The following F11R variants were observed in gnomAD, a reference collection of about 807,000 sequenced individuals.
F11R encodes junctional adhesion molecule A.
Under a neutral mutation model 39.3 loss-of-function variants are expected in F11R, and 27 were observed. The observed-to-expected ratio is 0.69, with a 90% CI of 0.51 to 0.95. F11R has a LOEUF of 0.95. Among genes scored for constraint, F11R ranks in the 40% least tolerant of loss-of-function variants. The pLI is 0.00. For synonymous variants in F11R, 131 were observed against 144.9 expected (o/e 0.90, Z 0.69); for missense variants, 335 against 372.7 (o/e 0.90, Z 0.83).
intron 3 of F11R, 31 bp from the exon 4 acceptor site, chr1:161,000,808 G>C (rs1360433098): frequency 6.2e-7 from 1 of 1,613,528 alleles, no homozygotes; most frequent in Non-Finnish European, 8.5e-7. Flanking sequence ...AGCAAGGACA[G>C]AGTGAACTGG....
rs370781802 is a variant in F11R, at chr1:161,010,896, C to T, written c.65-9543G>A. Among the ~76,000 whole-genome samples the T allele has an allele frequency of 2.1e-3, 298 of 144,476 alleles. 1 individual carries two copies. The highest frequency in any genetic ancestry group is 4.2e-3 in the South Asian group (19 of 4,532). 94.8% of individuals were successfully genotyped at this position (144,476 alleles called of 152,430 possible). A position where few individuals can be genotyped will look rare whatever the true frequency, so the allele number is the denominator to read the frequency against. On this transcript the variant is annotated intron_variant, in intron 1 of 9. Coordinates refer to ENST00000368026, the MANE Select transcript of F11R (RefSeq NM_016946.6). ...GCTACTTGGTAGGCTGAGGCTTGAA[C>T]CTGGGAGGTGGAGGTTGCAGTGAGC...
intron 1 of F11R, among the ~76,000 whole-genome samples, chr1:161,016,614 G>A (rs1649479342): frequency 6.6e-6 from 1 of 152,062 alleles, no homozygotes; most frequent in Non-Finnish European, 1.5e-5. Flanking sequence ...CCAAGATCAT[G>A]CTACTGCATT....
intron 1 of F11R, among the ~76,000 whole-genome samples, chr1:161,009,114 C>T (rs1228218744): frequency 6.6e-6 from 1 of 152,146 alleles, no homozygotes; most frequent in East Asian, 1.9e-4. Context: ...GCTATTTCTG[C>T]TATGTAGAAC....
At chr1:161,003,159 TG>T (rs1387495472) in intron 1 of F11R, among the ~76,000 whole-genome samples, 1 of 150,374 alleles carries the variant, frequency 6.7e-6, no homozygotes, top group African/African-American at 2.5e-5. Context: ...GTTTCGCTCT[TG>T]TTGCCCAGGC....
intron 1 of F11R, among the ~76,000 whole-genome samples, chr1:161,016,527 C>T (rs184379429): frequency 9.9e-4 from 149 of 150,566 alleles, no homozygotes; most frequent in Non-Finnish European, 1.6e-3. Context: ...CGTGGTGGCG[C>T]GTGCCTGTAG....
At chr1:161,014,993 G>T (rs1488243338) in intron 1 of F11R, among the ~76,000 whole-genome samples, 1 of 151,004 alleles carries the variant, frequency 6.6e-6, no homozygotes, top group East Asian at 1.9e-4. Flanking sequence ...CAGGAGAATG[G>T]CGTGAACCCG....
At position 160,998,074 on chromosome 1, in the gene F11R, G is replaced by T. The variant is rs1474570195; in HGVS notation, c.*797C>A. On this transcript the variant is annotated 3_prime_UTR_variant, in exon 10 of 10. Coordinates refer to ENST00000368026, the MANE Select transcript of F11R (RefSeq NM_016946.6). ...TGGCTAACTTTGTATTTTTAGTAGG[G>T]TTTCTCCATGTTGGTCAGGCTGATC... The T allele has an allele frequency of 6.6e-6, 1 of 152,304 alleles. No homozygotes were observed. Among genetic ancestry groups the T allele is most frequent in the Non-Finnish European group, 1.5e-5 (1 of 68,140 alleles). 9.4% of individuals were successfully genotyped at this position (152,304 alleles called of 1,614,324 possible). A position where few individuals can be genotyped will look rare whatever the true frequency, so the allele number is the denominator to read the frequency against.
chr1:161,019,509 C>G (rs1649632084), intron 1 of F11R, among the ~76,000 whole-genome samples: 1 of 150,566 alleles, frequency 6.6e-6, no homozygotes, highest in African/African-American at 2.4e-5. Flanking sequence ...GCAGGAGAAT[C>G]GCTTAAACCC....
intron 1 of F11R, among the ~76,000 whole-genome samples, chr1:161,019,527 G>T (rs1019773838): frequency 6.6e-6 from 1 of 151,620 alleles, no homozygotes; most frequent in South Asian, 2.1e-4. Context: ...CCCGGAAGGC[G>T]GAGGTTGCGG....
chr1:161,002,910 G>T (rs1338621592), intron 1 of F11R, among the ~76,000 whole-genome samples: 4 of 120,102 alleles, frequency 3.3e-5, no homozygotes, highest in Non-Finnish European at 6.8e-5. Flanking sequence ...TAAAGATATA[G>T]GTTACTCCTA....
chr1:161,009,045 A>G (rs1424153211), intron 1 of F11R, among the ~76,000 whole-genome samples: 1 of 152,148 alleles, frequency 6.6e-6, no homozygotes, highest in Non-Finnish European at 1.5e-5. Context: ...TAGCAATACA[A>G]AACTACTTAA....
chr1:161,019,352 T>C (rs574866484), intron 1 of F11R, among the ~76,000 whole-genome samples: 16 of 151,734 alleles, frequency 1.1e-4, no homozygotes, highest in Non-Finnish European at 2.1e-4. Flanking sequence ...TCCCAGCACG[T>C]TGGGAGGCCG....
chr1:161,010,441 C>CAAAAAAAAAAAAAAAAA (rs1248451719), intron 1 of F11R, among the ~76,000 whole-genome samples: 1 of 80,284 alleles, frequency 1.2e-5, no homozygotes. Flanking sequence ...GAGACTCCAT[C>CAAAAAAAAAAAAAAAAA]AAAAAAAAAA....
intron 7 of F11R, 105 bp from the exon 8 acceptor site, chr1:160,999,513 C>A: frequency 6.5e-7 from 1 of 1,543,654 alleles, no homozygotes; most frequent in South Asian, 1.1e-5. Context: ...GATGGGTGAT[C>A]AGTGTTCCCC....
intron 1 of F11R, among the ~76,000 whole-genome samples, chr1:161,002,846 C>T (rs1031351890): frequency 4.0e-5 from 6 of 151,852 alleles, no homozygotes; most frequent in African/African-American, 1.5e-4. Context: ...GATATAATAA[C>T]ACTATGAATT....
rs532334135 is a variant in F11R, at chr1:160,999,742, G to A, written c.700C>T (p.Arg234Trp). The change falls in exon 7 of 10, where the codon CGG becomes TGG. Residue 234 changes from arginine (R) to tryptophan (W), a missense_variant. Arg to Trp is a moderately radical substitution (Grantham distance 101, BLOSUM62 -3). Coordinates refer to ENST00000368026, the MANE Select transcript of F11R (RefSeq NM_016946.6). ...GCTGCCACGATGACCCCCACATTCCGCTCCACTGCGAGACACAAATAAGAA... is the reference window on the plus strand; with the variant it reads ...GCTGCCACGATGACCCCCACATTCCACTCCACTGCGAGACACAAATAAGAA... ...SNAVRMEAVERNVGVIVAAVL... is the reference protein window; with the variant it reads ...SNAVRMEAVEWNVGVIVAAVL... The A allele has an allele frequency of 1.1e-5, 17 of 1,614,020 alleles. No homozygotes were observed. The East Asian group carries it at 1.8e-4, about 17-fold the overall frequency.
Position 160,999,962 on chromosome 1 carries a change from G to A in F11R, c.608C>T (p.Ser203Leu), listed in dbSNP as rs116061506. Residue 203 changes from serine to leucine, a missense_variant, in exon 6 of 10, where the codon TCA becomes TTA. Transcript: ENST00000368026. Reference protein sequence around the residue: ...TTGELVFDPLSASDTGEYSCE... With the variant: ...TTGELVFDPLLASDTGEYSCE... Reference sequence around the variant, plus strand: ...GCTGTATTCTCCAGTATCAGAGGCTGACAGGGGATCAAAGACCTGAGGAAG... The same window carrying A: ...GCTGTATTCTCCAGTATCAGAGGCTAACAGGGGATCAAAGACCTGAGGAAG... 1.4e-4 allele frequency: 221 copies of A among 1,614,158 alleles called. No homozygotes were observed. In the African/African-American group the frequency reaches 2.6e-3, roughly 19 times the overall value.
At chr1:161,010,351 G>A (rs1258535077) in intron 1 of F11R, among the ~76,000 whole-genome samples, 4 of 149,380 alleles carry the variant, frequency 2.7e-5, no homozygotes, top group Non-Finnish European at 4.4e-5. Context: ...GGCTAAGGCA[G>A]GAGAATTGCT....
chr1:161,019,899 A>T (rs1649660518), intron 1 of F11R, among the ~76,000 whole-genome samples: 1 of 152,202 alleles, frequency 6.6e-6, no homozygotes, highest in African/African-American at 2.4e-5. Context: ...CCAAGGGTTT[A>T]TGTTGTGATA....
Sources: gnomAD v4.1 joint callset for allele counts (sites outside exome capture counted in the v4.1 genomes callset) on GRCh38, gnomAD v4.1.1 for gene constraint, MANE v1.5 for transcripts, NCBI Gene and HGNC (gene_info 2026-07-23, HGNC 2026-07-21) for gene names.